ATP6V0A2: variants seen among roughly 807,000 people sequenced by gnomAD.
ATP6V0A2 encodes V-type proton ATPase 116 kDa subunit a 2.
ATP6V0A2 carries 58 observed loss-of-function variants against 104.4 expected under a neutral mutation model. The ratio of observed to expected loss-of-function variants is 0.56; its 90% CI spans 0.45 to 0.69. ATP6V0A2 has a LOEUF of 0.69. ATP6V0A2 is among the 30% of genes least tolerant of loss of function. The pLI is 0.00. For missense variants in ATP6V0A2, 938 were observed against 1,062.9 expected (o/e 0.88, Z 1.63); for synonymous variants, 376 against 397.9 (o/e 0.95, Z 0.65).
chr12:123,748,590 G>A lies in ATP6V0A2; in HGVS notation c.1740G>A (p.Lys580=), dbSNP rs1956684901. 1 of 1,613,622 alleles carries A rather than the reference G, an allele frequency of 6.2e-7. No individual in the cohort carries two copies. Among genetic ancestry groups the A allele is most frequent in the Non-Finnish European group, 8.5e-7 (1 of 1,179,616 alleles). ...TCTTTCCTAGGCACTTCAGGAAGAAGTTCAACATTTACCTGGTTTCCATCC... is the reference window on the plus strand; with the variant it reads ...TCTTTCCTAGGCACTTCAGGAAGAAATTCAACATTTACCTGGTTTCCATCC... ...GIFNHLHFRK[K]FNIYLVSIPE... Residue 580 remains lysine, a synonymous_variant, in exon 15 of 20, where the codon AAG becomes AAA. Coordinates refer to ENST00000330342, the MANE Select transcript of ATP6V0A2 (RefSeq NM_012463.4).
chr12:123,752,152 G>T, intron 16 of ATP6V0A2, 131 bp from the exon 17 acceptor site: 1 of 1,202,868 alleles, frequency 8.3e-7, no homozygotes, highest in Non-Finnish European at 1.2e-6. Flanking sequence ...GAGCCACTGT[G>T]CCTAGCCTAA....
At chr12:123,748,526 A>C (rs1218140906) in intron 14 of ATP6V0A2, 49 bp from the exon 15 acceptor site, 1 of 1,398,742 alleles carries the variant, frequency 7.1e-7, no homozygotes, top group South Asian at 1.2e-5. Flanking sequence ...ACTCTTTTTA[A>C]CTTAGGCTGA....
At chr12:123,739,116 T>C (rs1956584186) in intron 9 of ATP6V0A2, 1 of 152,324 alleles carries the variant, frequency 6.6e-6, no homozygotes. Context: ...ATCGAGCCCA[T>C]GGTGCTGCTT....
At chr12:123,716,879 A>G (rs1956345605) in intron 1 of ATP6V0A2, among the ~76,000 whole-genome samples, 1 of 151,518 alleles carries the variant, frequency 6.6e-6, no homozygotes, top group Non-Finnish European at 1.5e-5. Context: ...CTTAATGCTC[A>G]TTTACAGTTA....
At chr12:123,727,364 C>T (rs114625715) in intron 5 of ATP6V0A2, among the ~76,000 whole-genome samples, 6,054 of 151,854 alleles carry the variant, frequency 0.04, 344 homozygotes, top group African/African-American at 0.13. Context: ...TAGCAACCTC[C>T]GCCTCCCAGG....
At chr12:123,720,611 T>C (rs1457605455) in intron 2 of ATP6V0A2, among the ~76,000 whole-genome samples, 1 of 152,200 alleles carries the variant, frequency 6.6e-6, no homozygotes, top group Non-Finnish European at 1.5e-5. Context: ...GGAGAATTGC[T>C]TGAGCCCAGG....
At chr12:123,728,039 C>T (rs2135891084) in intron 6 of ATP6V0A2, 130 bp downstream of exon 6, 2 of 1,181,984 alleles carry the variant, frequency 1.7e-6, no homozygotes. Context: ...ATCTCTTCAA[C>T]CACGTGTAGT....
At chr12:123,750,812 T>G in intron 15 of ATP6V0A2, 1 of 408,124 alleles carries the variant, frequency 2.5e-6, no homozygotes, top group South Asian at 2.2e-5. Context: ...TCATTTACAG[T>G]GTTTACAGAA....
chr12:123,747,730 G>A lies in ATP6V0A2; in HGVS notation c.1724+5G>A, dbSNP rs1433021210. ...TCTGGGAATATTTAACCACTTGTAA[G>A]TACAGATTTTTTTTTAAGCAATATT... On this transcript the variant is annotated splice_donor_5th_base_variant and intron_variant, in intron 14 of 19. Coordinates refer to ENST00000330342, the MANE Select transcript of ATP6V0A2 (RefSeq NM_012463.4). The A allele has an allele frequency of 6.4e-7, 1 of 1,557,184 alleles. No homozygotes were observed. Among genetic ancestry groups the A allele is most frequent in the Admixed American group, 1.7e-5 (1 of 59,824 alleles).
At chr12:123,754,655 A>G (rs574911609) in intron 18 of ATP6V0A2, 118 bp downstream of exon 18, 1 of 746,928 alleles carries the variant, frequency 1.3e-6, no homozygotes, top group South Asian at 1.5e-5. Flanking sequence ...TTCAGCTGCC[A>G]CGTGAACTTA....
chr12:123,733,692 G>C (rs1174107386), intron 6 of ATP6V0A2: 1 of 536,034 alleles, frequency 1.9e-6, no homozygotes, highest in East Asian at 3.2e-5. Context: ...TGGGAACGCG[G>C]GTGTCGGGTG....
rs1444545744 is a variant in ATP6V0A2, at chr12:123,754,502, A to G, written c.2258A>G (p.Tyr753Cys). ...CLGCISNTAS[Y>C]LRLWALSLAH... is the part of the protein sequence containing the mutation. Reference sequence around the variant, plus strand: ...GGATGCATCTCCAACACCGCCTCCTACCTGAGGCTCTGGGCGCTTAGCCTG... The same window carrying G: ...GGATGCATCTCCAACACCGCCTCCTGCCTGAGGCTCTGGGCGCTTAGCCTG... The change falls in exon 18 of 20, where the codon TAC (tyrosine) becomes TGC (cysteine). Residue 753 changes from tyrosine to cysteine, a missense_variant. By Grantham distance (194) the Tyr-to-Cys change is radical. Coordinates refer to ENST00000330342, the MANE Select transcript of ATP6V0A2 (RefSeq NM_012463.4). 2 of 1,613,976 alleles carry G rather than the reference A, an allele frequency of 1.2e-6. No homozygotes were observed. The highest frequency in any genetic ancestry group is 1.1e-5 in the South Asian group (1 of 91,074).
chr12:123,712,358 C>T lies in ATP6V0A2; in HGVS notation c.-208C>T. The T allele has an allele frequency of 3.0e-6, 1 of 328,056 alleles. No individual in the cohort carries two copies. The highest frequency in any genetic ancestry group is 2.2e-5 in the African/African-American group (1 of 45,992). The allele number at this position is 328,056 out of a possible 1,614,324, so 20.3% of individuals were successfully genotyped here. ...ACCGGCAGTGGCTTGGGGGCGGGAC[C>T]TCGCGGACTGCTGTGGCGGCAGCTG... On this transcript the variant is annotated 5_prime_UTR_variant, in exon 1 of 20. Transcript: ENST00000330342.
chr12:123,740,403 G>T (rs1156566804), intron 9 of ATP6V0A2, among the ~76,000 whole-genome samples: 1 of 151,998 alleles, frequency 6.6e-6, no homozygotes, highest in Non-Finnish European at 1.5e-5. Flanking sequence ...TAGCGATGGG[G>T]TTTCATAATG....
chr12:123,756,581 T>C (rs1249013350), intron 18 of ATP6V0A2: 5 of 553,850 alleles, frequency 9.0e-6, no homozygotes, highest in Non-Finnish European at 1.6e-5. Context: ...AGACCTCCCT[T>C]TGGGAGATGG....
At chr12:123,749,897 A>G (rs970694599) in intron 15 of ATP6V0A2, 3 of 152,172 alleles carry the variant, frequency 2.0e-5, no homozygotes, top group African/African-American at 4.8e-5. Context: ...TTCACATTCT[A>G]TTGGGTGCTG....
chr12:123,740,190 GTCTC>G (rs1177760922), intron 9 of ATP6V0A2, among the ~76,000 whole-genome samples: 12 of 140,226 alleles, frequency 8.6e-5, no homozygotes, highest in African/African-American at 3.2e-4. Flanking sequence ...TTTACAGAAT[GTCTC>G]TCTCTCTCTC....
chr12:123,732,540 C>A (rs1956511255), intron 6 of ATP6V0A2: 1 of 152,578 alleles, frequency 6.6e-6, no homozygotes, highest in African/African-American at 2.4e-5. Flanking sequence ...GTGCTGGCCT[C>A]CTCGAGTCTC....
chr12:123,754,124 C>T (rs1049852868), intron 17 of ATP6V0A2: 5 of 544,362 alleles, frequency 9.2e-6, no homozygotes, highest in South Asian at 7.6e-5. Context: ...GCTGTGGCCA[C>T]GGCAGTTCCT....
Sources: allele counts gnomAD v4.1 joint callset (sites outside exome capture counted in the v4.1 genomes callset), GRCh38; gene constraint gnomAD v4.1.1; transcripts MANE v1.5; gene names NCBI Gene and HGNC (gene_info 2026-07-23, HGNC 2026-07-21).